The following MYO1F variants were observed in gnomAD, a reference collection of about 807,000 sequenced individuals.
The protein encoded by MYO1F is myosin IF, also known as unconventional myosin-If.
In MYO1F, 60 loss-of-function variants were observed where a neutral mutation model predicts 146.6. That is an observed-to-expected ratio of 0.41 (90% confidence interval 0.33 to 0.51). The LOEUF is 0.51. Among genes scored for constraint, MYO1F ranks in the 20% least tolerant of loss-of-function variants. MYO1F has a pLI of 0.25. For synonymous variants in MYO1F, 602 were observed against 602.1 expected, an observed-to-expected ratio of 1.00 and a Z score of 0.00; for missense variants, 1,274 against 1,534.3, an observed-to-expected ratio of 0.83 and a Z score of 2.83.
intron 14 of MYO1F, 155 bp downstream of exon 14, chr19:8,544,142 G>T: frequency 3.6e-6 from 3 of 837,708 alleles, no homozygotes; most frequent in African/African-American, 1.7e-5. Flanking sequence ...GGTTAGTAGG[G>T]GGTGGATTGA....
intron 16 of MYO1F, 60 bp from the exon 17 acceptor site, chr19:8,537,115 CT>C: frequency 4.4e-6 from 5 of 1,131,580 alleles, no homozygotes; most frequent in Non-Finnish European, 6.6e-6. Flanking sequence ...TCTGGCCCCT[CT>C]TTTTTCCACC....
chr19:8,547,986 A>AGC, intron 12 of MYO1F, 50 bp downstream of exon 12: 3 of 837,532 alleles, frequency 3.6e-6, no homozygotes, highest in Non-Finnish European at 6.2e-6. Context: ...TGGTCCTTCC[A>AGC]CCCCACCCCC....
At chr19:8,556,771 C>T (rs1277216588) in intron 1 of MYO1F, among the ~76,000 whole-genome samples, 2 of 151,686 alleles carry the variant, frequency 1.3e-5, no homozygotes, top group Admixed American at 6.6e-5. Flanking sequence ...CCTGTTATCC[C>T]AGCTACTCGG....
chr19:8,526,534 C>T lies in MYO1F; in HGVS notation c.2689G>A (p.Gly897Ser), dbSNP rs1251970687. The T allele has an allele frequency of 3.1e-6, 5 of 1,591,654 alleles. No individual in the cohort carries two copies. In the African/African-American group the frequency reaches 5.3e-5, roughly 17 times the overall value. ...GGTRSVTFSRGFGDLAVLKVG... is the reference protein window; with the variant it reads ...GGTRSVTFSRSFGDLAVLKVG... ...TTGAGCACTGCCAAGTCGCCGAAGCCGCGGGAGAAGGTGACGCTGCGGGTG... is the reference window on the plus strand; with the variant it reads ...TTGAGCACTGCCAAGTCGCCGAAGCTGCGGGAGAAGGTGACGCTGCGGGTG... The change falls in exon 24 of 28, where the codon GGC becomes AGC. Residue 897 changes from glycine (G) to serine (S), a missense_variant. Around this residue, in one of 2 missense-constraint regions of MYO1F, gnomAD observed 374 missense variants for 379.2 expected, o/e 0.99. Transcript: ENST00000644032.
At chr19:8,574,577 TTCTCTC>T (rs369077601) in intron 1 of MYO1F, among the ~76,000 whole-genome samples, 6 of 79,754 alleles carry the variant, frequency 7.5e-5, no homozygotes, top group African/African-American at 3.4e-4. Context: ...CTTTCTTTCT[TTCTCTC>T]TCTCTCTCTC....
chr19:8,573,007 C>T (rs988309761), intron 1 of MYO1F, among the ~76,000 whole-genome samples: 1 of 152,220 alleles, frequency 6.6e-6, no homozygotes, highest in Non-Finnish European at 1.5e-5. Context: ...TGTGACTGTA[C>T]CTTAGAAACA....
At chr19:8,575,782 C>A (rs990326447) in intron 1 of MYO1F, among the ~76,000 whole-genome samples, 1 of 152,242 alleles carries the variant, frequency 6.6e-6, no homozygotes, top group East Asian at 1.9e-4. Flanking sequence ...TCTGCCAAGC[C>A]GACTGTTGAC....
At chr19:8,566,917 T>C (rs1322024228) in intron 1 of MYO1F, among the ~76,000 whole-genome samples, 1 of 151,780 alleles carries the variant, frequency 6.6e-6, no homozygotes, top group Non-Finnish European at 1.5e-5. Context: ...TTTCAAGTAA[T>C]CCTCTTGCTT....
chr19:8,574,450 T>C (rs1021185413), intron 1 of MYO1F, among the ~76,000 whole-genome samples: 19 of 152,240 alleles, frequency 1.2e-4, no homozygotes, highest in African/African-American at 4.6e-4. Context: ...ACCGGTTTAA[T>C]GGAAGACAAT....
chr19:8,553,894 A>ACACACACACACACACACTCTCT, intron 4 of MYO1F, among the ~76,000 whole-genome samples: 152 of 102,650 alleles, frequency 1.5e-3, no homozygotes, highest in African/African-American at 4.9e-3. Context: ...ACACACACAC[A>ACACACACACACACACACTCTCT]CTCTCTCTCT....
intron 10 of MYO1F, chr19:8,549,859 A>G: frequency 4.1e-6 from 2 of 490,022 alleles, no homozygotes; most frequent in Non-Finnish European, 7.5e-6. Flanking sequence ...GGAGTACAAT[A>G]GCGCAATCAT....
At chr19:8,534,986 A>C (rs1568339486) in intron 19 of MYO1F, among the ~76,000 whole-genome samples, 1 of 151,704 alleles carries the variant, frequency 6.6e-6, no homozygotes, top group Non-Finnish European at 1.5e-5. Context: ...ATCTTGGCTC[A>C]CTTCAGCCTC....
intron 1 of MYO1F, among the ~76,000 whole-genome samples, chr19:8,565,145 C>T (rs1446623086): frequency 1.3e-5 from 2 of 152,092 alleles, no homozygotes; most frequent in African/African-American, 4.8e-5. Flanking sequence ...GATCCACCCA[C>T]CTCAGCCTCC....
chr19:8,551,171 C>T (rs1051945441), intron 8 of MYO1F, among the ~76,000 whole-genome samples: 4 of 151,920 alleles, frequency 2.6e-5, no homozygotes, highest in Non-Finnish European at 5.9e-5. Flanking sequence ...CCTGCCTCAG[C>T]CTCCCTAGTA....
rs749484151 is a variant in MYO1F at position 8,530,495 on chromosome 19, C to G, written c.2122G>C (p.Val708Leu). The G allele has an allele frequency of 6.2e-7, 1 of 1,613,766 alleles. No homozygotes were observed. Among genetic ancestry groups the G allele is most frequent in the Non-Finnish European group, 8.5e-7 (1 of 1,180,022 alleles). ...RTIQKAWRRH[V>L]AVRKYEEMRE... ...ATCTCCTCGTACTTCCGGACAGCCACGTGGCGCCGCCAGGCCTTCTGGATG... is the reference window on the plus strand; with the variant it reads ...ATCTCCTCGTACTTCCGGACAGCCAGGTGGCGCCGCCAGGCCTTCTGGATG... Residue 708 changes from valine (V) to leucine (L), a missense_variant, in exon 20 of 28, where the codon GTG (valine) becomes CTG (leucine). Val to Leu is a conservative substitution (Grantham distance 32). Coordinates refer to ENST00000644032, the MANE Select transcript of MYO1F (RefSeq NM_012335.4). This position sits in a 1 kb window ranked among gnomAD's most constrained non-coding sequence, Gnocchi z 5.8.
rs1330706403 is a variant in MYO1F, at chr19:8,536,935, T to C, written c.1799+14A>G. On this transcript the variant is annotated intron_variant, in intron 17 of 27. Transcript: ENST00000644032. ...CTGGGGGGAATGAATCTTGGATTGG[T>C]TGGGGGGGATCACCTGTTCTCCTCC... The C allele has an allele frequency of 8.2e-7, 1 of 1,214,064 alleles. No individual in the cohort carries two copies. Among genetic ancestry groups the C allele is most frequent in the Non-Finnish European group, 1.1e-6 (1 of 892,416 alleles). The allele number at this position is 1,214,064 out of a possible 1,614,324, so 75.2% of individuals were successfully genotyped here.
chr19:8,522,859 A>G, intron 25 of MYO1F, 30 bp from the exon 26 acceptor site: 5 of 1,529,822 alleles, frequency 3.3e-6, no homozygotes, highest in Non-Finnish European at 3.5e-6. Context: ...GAAGACATGT[A>G]TTAGGGTGAT....
intron 19 of MYO1F, among the ~76,000 whole-genome samples, chr19:8,532,481 G>T (rs985913268): frequency 1.3e-5 from 2 of 152,184 alleles, no homozygotes; most frequent in Admixed American, 6.5e-5. Flanking sequence ...TAGCATGCCT[G>T]TCAGAGAATA....
In MYO1F at chr19:8,555,760, C is replaced by G; in HGVS notation, c.40G>C (p.Val14Leu). Residue 14 changes from valine (V) to leucine (L), a missense_variant, in exon 2 of 28, where the codon GTG (valine) becomes CTG (leucine). Coordinates refer to ENST00000644032, the MANE Select transcript of MYO1F (RefSeq NM_012335.4). ...ATGTCATCCACGCCGCTCTGCTTCA[C>G]GTTGTGGCTCTGCCAGTGGAAGCGC... Reference protein sequence around the residue: ...KERFHWQSHNVKQSGVDDMVL... With the variant: ...KERFHWQSHNLKQSGVDDMVL... 1 of 1,614,014 alleles carries G rather than the reference C, an allele frequency of 6.2e-7. No individual in the cohort carries two copies. Among genetic ancestry groups the G allele is most frequent in the Non-Finnish European group, 8.5e-7 (1 of 1,180,032 alleles).
Sources: gnomAD v4.1 joint callset for allele counts (sites outside exome capture counted in the v4.1 genomes callset) on GRCh38, gnomAD v4.1.1 for gene constraint, gnomAD v4.1.1 regional missense constraint, Gnocchi (gnomAD v3.1) non-coding constraint, MANE v1.5 for transcripts, NCBI Gene and HGNC (gene_info 2026-07-23, HGNC 2026-07-21) for gene names.